HERC2: variants seen among roughly 807,000 people sequenced by gnomAD.
HERC2 encodes HECT and RLD domain containing E3 ubiquitin protein ligase 2.
In HERC2, 102 loss-of-function variants were observed where a neutral mutation model predicts 537.7. That is an observed-to-expected ratio of 0.19 (90% CI 0.16 to 0.22). HERC2 has a LOEUF of 0.22. HERC2 is among the 10% of genes least tolerant of loss of function. HERC2 has a pLI of 1.00. For synonymous variants in HERC2, 2,224 were observed against 2,466.2 expected, an observed-to-expected ratio of 0.90 and a Z score of 2.91; for missense variants, 4,236 against 6,198.2, an observed-to-expected ratio of 0.68 and a Z score of 10.63.
chr15:28,113,696 C>G lies in HERC2; in HGVS notation c.13914-18G>C, dbSNP rs752790950. 1 of 1,595,260 alleles carries G rather than the reference C, an allele frequency of 6.3e-7. No individual in the cohort carries two copies. The highest frequency in any genetic ancestry group is 1.7e-5 in the Admixed American group (1 of 59,912). On this transcript the variant is annotated intron_variant, in intron 90 of 92. Coordinates refer to ENST00000261609, the MANE Select transcript of HERC2 (RefSeq NM_004667.6). This position sits in a 1 kb window ranked among gnomAD's most constrained non-coding sequence, Gnocchi z 7.0. ...CATGGAGTCTGGAAGAAAAAGCTCA[C>G]TTTACACTTCTGTCTTCAGTGACAC... is the stretch of plus-strand genomic sequence containing the variant.
At chr15:28,315,614 G>A in intron 2 of HERC2, 1 of 520,924 alleles carries the variant, frequency 1.9e-6, no homozygotes, top group Non-Finnish European at 3.7e-6. Context: ...GCAACATGGT[G>A]AAACCCCATC....
chr15:28,191,268 A>G, intron 53 of HERC2, 24 bp from the exon 54 acceptor site: 4 of 1,492,216 alleles, frequency 2.7e-6, no homozygotes, highest in Non-Finnish European at 2.8e-6. Flanking sequence ...AAAAAACCAC[A>G]TTCTCAGTTA....
At chr15:28,280,555 A>G (rs1278044568) in intron 4 of HERC2, among the ~76,000 whole-genome samples, 1 of 152,114 alleles carries the variant, frequency 6.6e-6, no homozygotes, top group Non-Finnish European at 1.5e-5. Flanking sequence ...AGTGCGGCAC[A>G]TGACAGAGAC....
At position 28,294,093 on chromosome 15, in the gene HERC2, T is replaced by C. The variant is rs371120219; in HGVS notation, c.188-1071A>G. Among the ~76,000 whole-genome samples the C allele has an allele frequency of 3.9e-4, 60 of 152,348 alleles. No individual in the cohort carries two copies. The East Asian group carries it at 6.4e-3, about 16-fold the overall frequency. The stretch of plus-strand genomic sequence containing the variant: ...GGAAACAGTTCCTCTGTTTACAACA[T>C]TTCTGACACCAAATGCATGGACTTT... On this transcript the variant is annotated intron_variant, in intron 3 of 92. Transcript: ENST00000261609.
chr15:28,303,987 G>A (rs1242825962), intron 2 of HERC2, among the ~76,000 whole-genome samples: 1 of 151,978 alleles, frequency 6.6e-6, no homozygotes, highest in East Asian at 1.9e-4. Flanking sequence ...CCCATGTGGT[G>A]AAACCCTGTC....
intron 4 of HERC2, among the ~76,000 whole-genome samples, chr15:28,284,661 G>A (rs752382561): frequency 2.6e-5 from 4 of 152,006 alleles, no homozygotes; most frequent in Admixed American, 6.6e-5. Context: ...AGTGGCTCAC[G>A]CCTGTAATCC....
At chr15:28,236,440 G>A (rs572700666) in intron 26 of HERC2, among the ~76,000 whole-genome samples, 65 of 151,746 alleles carry the variant, frequency 4.3e-4, no homozygotes, top group African/African-American at 1.4e-3. Context: ...ACAGGCACCC[G>A]TCACCACGCC....
At chr15:28,238,250 C>G (rs758186578) in intron 24 of HERC2, 33 bp from the exon 25 acceptor site, 1 of 1,347,698 alleles carries the variant, frequency 7.4e-7, no homozygotes, top group African/African-American at 1.4e-5. Context: ...AACATGAGTT[C>G]AATTCAGCTT....
At chr15:28,219,322 G>A (rs1306791343) in intron 37 of HERC2, among the ~76,000 whole-genome samples, 1 of 152,214 alleles carries the variant, frequency 6.6e-6, no homozygotes, top group Non-Finnish European at 1.5e-5. Context: ...TCTGCCGTGG[G>A]GCCACCCCTG....
intron 78 of HERC2, 121 bp from the exon 79 acceptor site, chr15:28,135,813 T>C: frequency 1.4e-6 from 1 of 720,366 alleles, no homozygotes; most frequent in Non-Finnish European, 2.3e-6. Flanking sequence ...AAATTTAAAG[T>C]TAAAAATCTC....
At position 28,269,425 on chromosome 15, in the gene HERC2, T is replaced by C; in HGVS notation, c.1269A>G (p.Gln423=). 6.2e-7 allele frequency: 1 copy of C among 1,611,638 alleles called. No homozygotes were observed. The highest frequency in any genetic ancestry group is 8.5e-7 in the Non-Finnish European group (1 of 1,178,036). ...CTATTAACCCCCAACCTATGACCTC[T>C]TGCAATGATCCCTGTAAGATAAGAA... is the stretch of plus-strand genomic sequence containing the variant. ...SSPTSHKGSL[Q]EVIGWGLIGW... The change falls in exon 11 of 93, where the codon CAA becomes CAG. Residue 423 remains glutamine, a synonymous_variant. Transcript: ENST00000261609.
intron 26 of HERC2, among the ~76,000 whole-genome samples, chr15:28,236,746 C>A (rs1274688431): frequency 6.6e-6 from 1 of 152,098 alleles, no homozygotes; most frequent in South Asian, 2.1e-4. Context: ...TGCCAACATG[C>A]CTGGCTAATT....
At chr15:28,134,968 G>A (rs1012006452) in intron 79 of HERC2, among the ~76,000 whole-genome samples, 4 of 151,968 alleles carry the variant, frequency 2.6e-5, no homozygotes, top group African/African-American at 7.3e-5. Context: ...CCACCACGCC[G>A]GACCTGTTTA....
intron 9 of HERC2, 109 bp downstream of exon 9, chr15:28,272,104 AAC>A (rs1299344527): frequency 1.2e-5 from 12 of 1,005,188 alleles, no homozygotes; most frequent in South Asian, 3.4e-5. Context: ...ATTACCACCA[AAC>A]ACACACACGC....
intron 64 of HERC2, 121 bp downstream of exon 64, chr15:28,175,391 G>T: frequency 1.0e-6 from 1 of 960,216 alleles, no homozygotes; most frequent in Non-Finnish European, 1.6e-6. Context: ...GGTTCTCCAA[G>T]CAGTAAGACT....
At chr15:28,132,334 C>G in intron 80 of HERC2, 73 bp from the exon 81 acceptor site, 1 of 1,369,828 alleles carries the variant, frequency 7.3e-7, no homozygotes, top group Non-Finnish European at 9.8e-7. Context: ...CTTCACAACA[C>G]TGCCATTCTT....
chr15:28,209,160 T>C (rs1452969296), intron 44 of HERC2, among the ~76,000 whole-genome samples: 1 of 152,142 alleles, frequency 6.6e-6, no homozygotes, highest in Admixed American at 6.5e-5. Context: ...CTTTTCTGTT[T>C]ACTTATCATT....
Position 28,142,361 on chromosome 15 carries a change from C to T in HERC2, c.11577G>A (p.Leu3859=). Residue 3859 remains leucine, a synonymous_variant, in exon 76 of 93, where the codon CTG becomes CTA. Coordinates refer to ENST00000261609, the MANE Select transcript of HERC2 (RefSeq NM_004667.6). ...TCTCGGCACAGCAAGGCAGAGTGTC[C>T]AGCTCCAGGTCACAAGCAAGAGCTA... ...VLVALACDLE[L]DTLPCCAETH... 1 of 1,613,884 alleles carries T rather than the reference C, an allele frequency of 6.2e-7. No homozygotes were observed. The highest frequency in any genetic ancestry group is 8.5e-7 in the Non-Finnish European group (1 of 1,179,896).
At chr15:28,297,569 A>G (rs566290814) in intron 3 of HERC2, among the ~76,000 whole-genome samples, 1 of 152,278 alleles carries the variant, frequency 6.6e-6, no homozygotes, top group East Asian at 1.9e-4. Flanking sequence ...AAAAAACATG[A>G]AAATCAAAAG....
Sources: allele counts gnomAD v4.1 joint callset (sites outside exome capture counted in the v4.1 genomes callset), GRCh38; gene constraint gnomAD v4.1.1; non-coding constraint Gnocchi (gnomAD v3.1); transcripts MANE v1.5; gene names NCBI Gene and HGNC (gene_info 2026-07-23, HGNC 2026-07-21).